MYT1L: variants seen among roughly 807,000 people sequenced by gnomAD.
The protein encoded by MYT1L is myelin transcription factor 1-like protein.
A neutral mutation model predicts 126.7 loss-of-function variants in MYT1L; 12 were observed. That is an observed-to-expected ratio of 0.09 (90% confidence interval 0.06 to 0.15). The LOEUF is 0.15. Ranked by LOEUF, MYT1L falls within the 10% of genes least tolerant of loss-of-function variation. MYT1L has a pLI of 1.00. For synonymous variants in MYT1L, 541 were observed against 604.2 expected (o/e 0.90, Z 1.53); for missense variants, 979 against 1,585.2 (o/e 0.62, Z 6.49).
chr2:1,922,879 A>G lies in MYT1L; in HGVS notation c.890T>C (p.Met297Thr), dbSNP rs1393471638. The change falls in exon 10 of 25, where the codon ATG (methionine) becomes ACG (threonine). Residue 297 changes from methionine to threonine, a missense_variant. Physicochemically the swap from Met to Thr is moderately conservative, Grantham distance 81. Transcript: ENST00000647738. This position sits in a 1 kb window ranked among gnomAD's most constrained non-coding sequence, Gnocchi z 7.4. Reference sequence around the variant, plus strand: ...GGGCTTCCCCAACATGACGTAATTCATATTTCTACTGTCTTGCTGCGACAT... The same window carrying G: ...GGGCTTCCCCAACATGACGTAATTCGTATTTCTACTGTCTTGCTGCGACAT... The part of the protein sequence containing the change: ...DSMSQQDSRN[M>T]NYVMLGKPMN... The G allele has an allele frequency of 1.9e-6, 3 of 1,613,974 alleles. No homozygotes were observed. The highest frequency in any genetic ancestry group is 2.2e-5 in the East Asian group (1 of 44,876).
chr2:1,813,353 G>A (rs73184805), intron 21 of MYT1L, among the ~76,000 whole-genome samples: 71 of 152,220 alleles, frequency 4.7e-4, no homozygotes, highest in African/African-American at 1.7e-3. Flanking sequence ...GGTCCCATCC[G>A]TTCCATCCCA....
chr2:1,976,788 T>C lies in MYT1L; in HGVS notation c.152+2377A>G, dbSNP rs142932451. Among the ~76,000 whole-genome samples the C allele has an allele frequency of 5.1e-4, 77 of 152,350 alleles. 1 individual carries two copies. The highest frequency in any genetic ancestry group is 1.8e-3 in the African/African-American group (74 of 41,580). ...AGAAATTAAAATTTTTCTTGATACATAGACATCAAATAATAAGGCTTAGAA... is the reference window on the plus strand; with the variant it reads ...AGAAATTAAAATTTTTCTTGATACACAGACATCAAATAATAAGGCTTAGAA... On this transcript the variant is annotated intron_variant, in intron 8 of 24. Transcript: ENST00000647738.
intron 1 of MYT1L, among the ~76,000 whole-genome samples, chr2:2,315,069 T>C (rs2096042744): frequency 6.6e-6 from 1 of 152,180 alleles, no homozygotes; most frequent in East Asian, 1.9e-4. Context: ...CTCTGTGCTT[T>C]CTATCTCAGG....
intron 2 of MYT1L, among the ~76,000 whole-genome samples, chr2:2,280,747 T>A (rs2095436044): frequency 6.6e-6 from 1 of 152,138 alleles, no homozygotes; most frequent in South Asian, 2.1e-4. Context: ...AGAGGAAGCT[T>A]CAACCAAACA....
chr2:2,048,477 C>T (rs148675562), intron 4 of MYT1L, among the ~76,000 whole-genome samples: 195 of 152,290 alleles, frequency 1.3e-3, no homozygotes, highest in East Asian at 5.8e-4. Flanking sequence ...CTGTGGGGCA[C>T]CTGACACCGC....
intron 3 of MYT1L, among the ~76,000 whole-genome samples, chr2:2,147,939 G>A (rs1028313433): frequency 1.3e-5 from 2 of 152,228 alleles, no homozygotes; most frequent in Non-Finnish European, 2.9e-5. Context: ...GCTCAAGAAA[G>A]AGCCACAGAC....
chr2:1,976,022 A>G (rs896601985), intron 8 of MYT1L, among the ~76,000 whole-genome samples: 2 of 151,428 alleles, frequency 1.3e-5, no homozygotes, highest in Non-Finnish European at 2.9e-5. Context: ...CTGAAATACA[A>G]CTTTTTACTT....
chr2:2,012,045 A>T (rs543073361), intron 4 of MYT1L, among the ~76,000 whole-genome samples: 3 of 152,362 alleles, frequency 2.0e-5, no homozygotes, highest in African/African-American at 7.2e-5. Flanking sequence ...GATTCACCAG[A>T]GTCGAGTCAC....
At chr2:1,861,557 T>C (rs1236321271) in intron 18 of MYT1L, among the ~76,000 whole-genome samples, 1 of 151,768 alleles carries the variant, frequency 6.6e-6, no homozygotes, top group Non-Finnish European at 1.5e-5. Context: ...ATTTGTATTC[T>C]AATCGGGGTT....
At chr2:2,068,619 ATCTGAAAGATAATAGTATTTC>A in intron 3 of MYT1L, among the ~76,000 whole-genome samples, 1 of 152,258 alleles carries the variant, frequency 6.6e-6, no homozygotes, top group African/African-American at 2.4e-5. Flanking sequence ...TAAGGAAAAT[ATCTGAAAGATAATAGTATTTC>A]CCTCATCTAT....
chr2:2,073,661 G>A lies in MYT1L; in HGVS notation c.-303-19538C>T, dbSNP rs546400638. ...TCTCGCCTCCGCATCCTGCCAGTGC[G>A]TATCTTGGACGTTGTATGTCGGTGA... On this transcript the variant is annotated intron_variant, in intron 3 of 24. Transcript: ENST00000647738. Among the ~76,000 whole-genome samples, 12 of 152,296 alleles carry A rather than the reference G, an allele frequency of 7.9e-5. No homozygotes were observed. In the East Asian group the frequency reaches 1.4e-3, roughly 17 times the overall value.
At chr2:2,282,589 A>G (rs1333490696) in intron 2 of MYT1L, among the ~76,000 whole-genome samples, 1 of 152,318 alleles carries the variant, frequency 6.6e-6, no homozygotes, top group East Asian at 1.9e-4. Flanking sequence ...TCTACTGTGA[A>G]TTTATCTTAA....
intron 5 of MYT1L, among the ~76,000 whole-genome samples, chr2:1,982,809 TC>T (rs1352391108): frequency 6.6e-6 from 1 of 152,164 alleles, no homozygotes; most frequent in Non-Finnish European, 1.5e-5. Flanking sequence ...CTTACCCTTA[TC>T]CAGCATCTCG....
At chr2:1,992,604 A>G (rs752120148) in intron 5 of MYT1L, among the ~76,000 whole-genome samples, 74 of 152,240 alleles carry the variant, frequency 4.9e-4, no homozygotes, top group Non-Finnish European at 5.7e-4. Flanking sequence ...TATGACTGAC[A>G]CAGTGAAAGA....
At chr2:2,184,011 AAG>A (rs376535208) in intron 2 of MYT1L, among the ~76,000 whole-genome samples, 32 of 151,124 alleles carry the variant, frequency 2.1e-4, no homozygotes, top group Middle Eastern at 3.4e-3. Context: ...GAGAAAGAGA[AAG>A]AGAGAAAGAA....
rs2048316185 is a variant in MYT1L, at chr2:1,887,567, G to A, written c.2563C>T (p.Arg855Trp). ...DPFQEALEER[R>W]YPGEVTIPSP... ...GGGATGGTCACCTCCCCGGGATACC[G>A]TCTTTCTTCTAGAGCCTCCTGGAAT... The change falls in exon 17 of 25, where the codon CGG (arginine) becomes TGG (tryptophan). Residue 855 changes from arginine to tryptophan, a missense_variant. By Grantham distance (101) the Arg-to-Trp change is moderately radical (BLOSUM62 -3). Coordinates refer to ENST00000647738, the MANE Select transcript of MYT1L (RefSeq NM_001303052.2). This position sits in a 1 kb window ranked among gnomAD's most constrained non-coding sequence, Gnocchi z 4.8. The A allele has an allele frequency of 6.2e-7, 1 of 1,613,936 alleles. No homozygotes were observed. Among genetic ancestry groups the A allele is most frequent in the South Asian group, 1.1e-5 (1 of 91,088 alleles).
At chr2:2,190,942 C>T (rs2092558710) in intron 2 of MYT1L, among the ~76,000 whole-genome samples, 1 of 152,180 alleles carries the variant, frequency 6.6e-6, no homozygotes, top group Non-Finnish European at 1.5e-5. Context: ...TGCACCACCA[C>T]ACCCAGGTAA....
chr2:2,113,269 TC>T (rs1328209755), intron 3 of MYT1L, among the ~76,000 whole-genome samples: 1 of 152,168 alleles, frequency 6.6e-6, no homozygotes, highest in East Asian at 1.9e-4. Flanking sequence ...TAAACTTTGG[TC>T]CTCCAAGCTG....
intron 21 of MYT1L, among the ~76,000 whole-genome samples, chr2:1,826,619 G>T (rs547756581): frequency 2.0e-5 from 3 of 152,306 alleles, no homozygotes; most frequent in African/African-American, 7.2e-5. Flanking sequence ...GGAGATTAAA[G>T]GAAAAGAAGC....
Sources: gnomAD v4.1 joint callset for allele counts (sites outside exome capture counted in the v4.1 genomes callset) on GRCh38, gnomAD v4.1.1 for gene constraint, Gnocchi (gnomAD v3.1) non-coding constraint, MANE v1.5 for transcripts, NCBI Gene and HGNC (gene_info 2026-07-23, HGNC 2026-07-21) for gene names.